GRM8: variants seen among roughly 807,000 people sequenced by gnomAD.
GRM8 encodes the protein metabotropic glutamate receptor 8.
GRM8 carries 47 observed loss-of-function variants against 87.2 expected under a neutral mutation model. The observed-to-expected ratio is 0.54, with a 90% CI of 0.43 to 0.69. The LOEUF is 0.69. Among genes scored for constraint, GRM8 ranks in the 30% least tolerant of loss-of-function variants. GRM8 has a pLI of 0.00. For missense variants in GRM8, 1,019 were observed against 1,139.2 expected, an observed-to-expected ratio of 0.89 and a Z score of 1.52; for synonymous variants, 396 against 404.5, an observed-to-expected ratio of 0.98 and a Z score of 0.25.
At chr7:126,890,221 T>C (rs1274937971) in intron 6 of GRM8, among the ~76,000 whole-genome samples, 1 of 152,110 alleles carries the variant, frequency 6.6e-6, no homozygotes, top group Non-Finnish European at 1.5e-5. Flanking sequence ...TATTAGATAG[T>C]GCTGGCTTCA....
At chr7:127,065,261 T>A (rs945324209) in intron 3 of GRM8, among the ~76,000 whole-genome samples, 1 of 152,100 alleles carries the variant, frequency 6.6e-6, no homozygotes, top group South Asian at 2.1e-4. Flanking sequence ...GGCAAACTGA[T>A]GAAGGAATGG....
chr7:127,242,426 G>A (rs965634086), intron 2 of GRM8, among the ~76,000 whole-genome samples: 1 of 151,562 alleles, frequency 6.6e-6, no homozygotes, highest in African/African-American at 2.4e-5. Context: ...AAGATGACAA[G>A]GACCCAATAT....
intron 8 of GRM8, among the ~76,000 whole-genome samples, chr7:126,563,309 A>G (rs1793906095): frequency 6.6e-6 from 1 of 151,854 alleles, no homozygotes; most frequent in African/African-American, 2.4e-5. Context: ...AAAAAAAAAC[A>G]TATTTAATCA....
At chr7:126,935,521 A>T (rs1272316415) in intron 3 of GRM8, among the ~76,000 whole-genome samples, 2 of 152,188 alleles carry the variant, frequency 1.3e-5, no homozygotes, top group Non-Finnish European at 2.9e-5. Context: ...AGTTGAGGAG[A>T]TGCTATGTGG....
rs113273919 is a variant in GRM8 at position 126,837,649 on chromosome 7, G to A, written c.1156+64893C>T. Among the ~76,000 whole-genome samples the A allele has an allele frequency of 6.7e-3, 1,022 of 152,308 alleles. 11 individuals are homozygous for A. The highest frequency in any genetic ancestry group is 0.023 in the African/African-American group (945 of 41,560). Reference sequence around the variant, plus strand: ...ATCTAAGTGAAAGGAGCCAACAAGTGCCAGATGAACATGACTGTGGTCTCA... The same window carrying A: ...ATCTAAGTGAAAGGAGCCAACAAGTACCAGATGAACATGACTGTGGTCTCA... On this transcript the variant is annotated intron_variant, in intron 6 of 10. Transcript: ENST00000339582.
chr7:126,637,441 T>C (rs534974458), intron 7 of GRM8, among the ~76,000 whole-genome samples: 22 of 152,174 alleles, frequency 1.4e-4, no homozygotes, highest in African/African-American at 5.1e-4. Context: ...TAAAATGACA[T>C]ATTCTGTTAT....
chr7:127,224,106 T>C (rs1438936959), intron 2 of GRM8, among the ~76,000 whole-genome samples: 1 of 152,076 alleles, frequency 6.6e-6, no homozygotes, highest in Admixed American at 6.6e-5. Flanking sequence ...AGGTAGGTCA[T>C]CTGACTCCCA....
chr7:126,789,511 A>G (rs1821037261), intron 6 of GRM8, among the ~76,000 whole-genome samples: 2 of 152,184 alleles, frequency 1.3e-5, no homozygotes, highest in South Asian at 4.1e-4. Flanking sequence ...ATCCATAGGT[A>G]CAGGTTAATG....
chr7:126,614,804 C>T lies in GRM8; in HGVS notation c.1358-5306G>A, dbSNP rs1052736835. ...TGAAGATCAAATGAATGCAATGAAG[C>T]GAGAACAGAAGTTTAGAGAAAAAAG... On this transcript the variant is annotated intron_variant, in intron 7 of 10. Transcript: ENST00000339582. Among the ~76,000 whole-genome samples, 22 of 152,094 alleles carry T rather than the reference C, an allele frequency of 1.4e-4. No homozygotes were observed. The South Asian group carries it at 1.7e-3, about 11-fold the overall frequency.
At chr7:126,764,137 T>C (rs572157930) in intron 7 of GRM8, among the ~76,000 whole-genome samples, 29 of 152,060 alleles carry the variant, frequency 1.9e-4, no homozygotes, top group African/African-American at 6.5e-4. Flanking sequence ...CATCATGAAG[T>C]AATTTTTCCC....
intron 7 of GRM8, among the ~76,000 whole-genome samples, chr7:126,731,677 T>A (rs1470371359): frequency 6.6e-6 from 1 of 152,110 alleles, no homozygotes; most frequent in African/African-American, 2.4e-5. Context: ...TAGATTAGAA[T>A]ATTTCTCCAG....
At chr7:127,111,509 C>A (rs1422100049) in intron 2 of GRM8, among the ~76,000 whole-genome samples, 1 of 152,044 alleles carries the variant, frequency 6.6e-6, no homozygotes, top group Non-Finnish European at 1.5e-5. Context: ...ATGCCTTTTT[C>A]ATGATCCTCC....
At chr7:127,175,871 A>G (rs1794076816) in intron 2 of GRM8, among the ~76,000 whole-genome samples, 1 of 152,232 alleles carries the variant, frequency 6.6e-6, no homozygotes, top group Non-Finnish European at 1.5e-5. Flanking sequence ...AAGGGGAATG[A>G]AAATGATATA....
At chr7:126,767,026 C>T (rs1325785051) in intron 7 of GRM8, among the ~76,000 whole-genome samples, 2 of 152,074 alleles carry the variant, frequency 1.3e-5, no homozygotes, top group South Asian at 2.1e-4. Context: ...AAGGTACTTC[C>T]GAGACCAGTA....
At chr7:127,138,508 G>C (rs1402122553) in intron 2 of GRM8, among the ~76,000 whole-genome samples, 2 of 152,050 alleles carry the variant, frequency 1.3e-5, no homozygotes, top group African/African-American at 4.8e-5. Context: ...CTTCTCATTT[G>C]GGTAAACAAG....
intron 3 of GRM8, among the ~76,000 whole-genome samples, chr7:127,074,844 C>T (rs999724494): frequency 5.3e-5 from 8 of 152,272 alleles, no homozygotes; most frequent in Middle Eastern, 6.8e-3. Flanking sequence ...GTTGGATTCA[C>T]TGACAGAGTC....
At chr7:127,014,631 T>C (rs1025103732) in intron 3 of GRM8, among the ~76,000 whole-genome samples, 6 of 152,142 alleles carry the variant, frequency 3.9e-5, no homozygotes, top group Non-Finnish European at 7.4e-5. Flanking sequence ...GCCTAGCACA[T>C]AGTAAGAACT....
intron 9 of GRM8, among the ~76,000 whole-genome samples, chr7:126,484,734 C>G (rs1042114331): frequency 6.6e-6 from 1 of 151,884 alleles, no homozygotes; most frequent in Non-Finnish European, 1.5e-5. Flanking sequence ...ACCTCTTCCA[C>G]GGAAATCAAA....
chr7:126,600,916 T>C (rs1340786895), intron 8 of GRM8, among the ~76,000 whole-genome samples: 3 of 146,344 alleles, frequency 2.0e-5, no homozygotes, highest in African/African-American at 7.5e-5. Context: ...AAGTACAAAG[T>C]TAAGAACTAG....
Sources: gnomAD v4.1 joint callset for allele counts (sites outside exome capture counted in the v4.1 genomes callset) on GRCh38, gnomAD v4.1.1 for gene constraint, MANE v1.5 for transcripts, NCBI Gene and HGNC (gene_info 2026-07-23, HGNC 2026-07-21) for gene names.